Variants in CFAP299 observed in about 807,000 individuals in gnomAD.
The protein encoded by CFAP299 is cilia and flagella associated protein 299.
CFAP299 carries 21 observed loss-of-function variants against 27.0 expected under a neutral mutation model. That is an observed-to-expected ratio of 0.78 (90% CI 0.55 to 1.12). CFAP299 has a LOEUF of 1.12. Among genes scored for constraint, CFAP299 ranks in the 50% most tolerant of loss-of-function variants. The pLI is 0.00. For synonymous variants in CFAP299, 104 were observed against 98.1 expected (o/e 1.06, Z -0.36); for missense variants, 310 against 276.6 (o/e 1.12, Z -0.86).
intron 3 of CFAP299, among the ~76,000 whole-genome samples, chr4:80,758,648 T>G (rs971558775): frequency 1.3e-5 from 2 of 152,160 alleles, no homozygotes; most frequent in Non-Finnish European, 2.9e-5. Flanking sequence ...ATATTTATAA[T>G]AAGAACCATA....
At chr4:80,781,143 T>A (rs1319288048) in intron 3 of CFAP299, among the ~76,000 whole-genome samples, 2 of 152,124 alleles carry the variant, frequency 1.3e-5, no homozygotes, top group South Asian at 2.1e-4. Context: ...CTATTGTTGA[T>A]GAATAATTTT....
chr4:80,809,521 C>A (rs75336280), intron 3 of CFAP299, among the ~76,000 whole-genome samples: 1,596 of 152,186 alleles, frequency 0.01, 31 homozygotes, highest in African/African-American at 0.035. Context: ...ATCCCTCTAG[C>A]ACATGTTGAA....
intron 3 of CFAP299, among the ~76,000 whole-genome samples, chr4:80,772,487 A>G (rs1726275510): frequency 6.6e-6 from 1 of 152,082 alleles, no homozygotes; most frequent in Non-Finnish European, 1.5e-5. Flanking sequence ...ATGGAATCTC[A>G]TATGTAATTA....
At chr4:80,505,373 G>A (rs1227783169) in intron 2 of CFAP299, among the ~76,000 whole-genome samples, 1 of 145,264 alleles carries the variant, frequency 6.9e-6, no homozygotes, top group African/African-American at 2.6e-5. Context: ...TAATTTACTT[G>A]TGTAGGTGCT....
intron 2 of CFAP299, among the ~76,000 whole-genome samples, chr4:80,581,486 A>C (rs1377679845): frequency 8.1e-6 from 1 of 124,206 alleles, no homozygotes; most frequent in Non-Finnish European, 1.7e-5. Context: ...ATATATATAT[A>C]TATGACAAGC....
intron 3 of CFAP299, among the ~76,000 whole-genome samples, chr4:80,805,019 T>C (rs1164177203): frequency 6.6e-6 from 1 of 152,140 alleles, no homozygotes; most frequent in Non-Finnish European, 1.5e-5. Flanking sequence ...TGGGATTTCC[T>C]TTTGTGTACG....
chr4:80,672,161 A>T (rs563454679), intron 3 of CFAP299, among the ~76,000 whole-genome samples: 5 of 152,316 alleles, frequency 3.3e-5, no homozygotes, highest in African/African-American at 1.2e-4. Flanking sequence ...AGCTCTTATG[A>T]TTCTCAGATA....
chr4:80,423,250 G>T (rs1727373147), intron 2 of CFAP299, among the ~76,000 whole-genome samples: 1 of 152,070 alleles, frequency 6.6e-6, no homozygotes. Context: ...AAATAACAAT[G>T]GAAGTATGCA....
chr4:80,366,549 C>T (rs1210295625), intron 2 of CFAP299, among the ~76,000 whole-genome samples: 2 of 152,040 alleles, frequency 1.3e-5, no homozygotes, highest in Admixed American at 6.6e-5. Flanking sequence ...TCTGGGAATA[C>T]AATAGAAAAC....
chr4:80,680,403 T>A (rs190030668), intron 3 of CFAP299, among the ~76,000 whole-genome samples: 4 of 152,318 alleles, frequency 2.6e-5, no homozygotes, highest in African/African-American at 7.2e-5. Flanking sequence ...AAGGTTTTTT[T>A]ATATATATTT....
chr4:80,395,252 A>T (rs1047517474), intron 2 of CFAP299, among the ~76,000 whole-genome samples: 7 of 151,914 alleles, frequency 4.6e-5, no homozygotes, highest in Non-Finnish European at 4.4e-5. Context: ...TGATTTTTCT[A>T]TGTTGATTTT....
At chr4:80,428,986 T>C (rs1727671061) in intron 2 of CFAP299, among the ~76,000 whole-genome samples, 1 of 152,212 alleles carries the variant, frequency 6.6e-6, no homozygotes, top group Non-Finnish European at 1.5e-5. Context: ...GGCAAGATTT[T>C]TAGAAAGAGC....
At chr4:80,770,703 C>T (rs1229244508) in intron 3 of CFAP299, among the ~76,000 whole-genome samples, 1 of 152,126 alleles carries the variant, frequency 6.6e-6, no homozygotes, top group Non-Finnish European at 1.5e-5. Flanking sequence ...AGGTGTCAGC[C>T]AGCTGCCTCA....
chr4:80,486,687 CT>C (rs1193228137), intron 2 of CFAP299, among the ~76,000 whole-genome samples: 1 of 152,250 alleles, frequency 6.6e-6, no homozygotes, highest in Non-Finnish European at 1.5e-5. Flanking sequence ...TCAGTACACC[CT>C]ACCTGAAGGT....
intron 3 of CFAP299, among the ~76,000 whole-genome samples, chr4:80,852,597 G>A (rs1321088503): frequency 6.6e-6 from 1 of 152,192 alleles, no homozygotes; most frequent in East Asian, 1.9e-4. Flanking sequence ...TAATTTACGT[G>A]ATTCCTTTGA....
intron 3 of CFAP299, among the ~76,000 whole-genome samples, chr4:80,691,376 A>T (rs1325664813): frequency 7.1e-6 from 1 of 141,248 alleles, no homozygotes; most frequent in Non-Finnish European, 1.5e-5. Flanking sequence ...CTGGGATGCA[A>T]GGCTGGTTCA....
At chr4:80,479,295 ATAAT>A (rs1183301927) in intron 2 of CFAP299, among the ~76,000 whole-genome samples, 2 of 152,052 alleles carry the variant, frequency 1.3e-5, no homozygotes, top group East Asian at 3.8e-4. Flanking sequence ...GATTTTGAAA[ATAAT>A]TAAGAATTAG....
intron 3 of CFAP299, among the ~76,000 whole-genome samples, chr4:80,800,193 T>C (rs1348848503): frequency 1.4e-5 from 1 of 72,218 alleles, no homozygotes; most frequent in African/African-American, 5.7e-5. Context: ...TATGTAATAC[T>C]ATATAATATA....
At chr4:80,545,829 T>G (rs1007882778) in intron 2 of CFAP299, among the ~76,000 whole-genome samples, 1 of 152,060 alleles carries the variant, frequency 6.6e-6, no homozygotes, top group Non-Finnish European at 1.5e-5. Context: ...CTGATAAACA[T>G]AGATGCAAAA....
Sources: allele counts gnomAD v4.1 joint callset (sites outside exome capture counted in the v4.1 genomes callset), GRCh38; gene constraint gnomAD v4.1.1; transcripts MANE v1.5; gene names NCBI Gene and HGNC (gene_info 2026-07-23, HGNC 2026-07-21).